The following C3orf52 variants were observed in gnomAD, a reference collection of about 807,000 sequenced individuals.
The protein encoded by C3orf52 is chromosome 3 open reading frame 52.
C3orf52 carries 22 observed loss-of-function variants against 24.8 expected under a neutral mutation model. That is an observed-to-expected ratio of 0.89 (90% CI 0.63 to 1.27). The LOEUF is 1.27. C3orf52 is among the 50% of genes most tolerant of loss of function. The pLI is 0.00. For synonymous variants in C3orf52, 93 were observed against 100.2 expected, an observed-to-expected ratio of 0.93 and a Z score of 0.43; for missense variants, 265 against 260.7, an observed-to-expected ratio of 1.02 and a Z score of -0.11.
chr3:112,095,698 CT>C (rs1160185573), intron 2 of C3orf52, among the ~76,000 whole-genome samples: 12 of 150,360 alleles, frequency 8.0e-5, no homozygotes, highest in African/African-American at 2.5e-4. Context: ...TTTCAAACTA[CT>C]TTTTAAATCA....
At chr3:112,128,147 G>A (rs1433529136) in intron 4 of C3orf52, 1 of 1,293,768 alleles carries the variant, frequency 7.7e-7, no homozygotes, top group South Asian at 1.2e-5. Context: ...CCATTTCTGT[G>A]GAAAACTTTT....
At chr3:112,092,482 C>T (rs1157114007) in intron 1 of C3orf52, among the ~76,000 whole-genome samples, 1 of 152,142 alleles carries the variant, frequency 6.6e-6, no homozygotes, top group African/African-American at 2.4e-5. Flanking sequence ...CTGTGACACC[C>T]TCATAAACCG....
At position 112,095,784 on chromosome 3, in the gene C3orf52, G is replaced by T. The variant is rs755762820; in HGVS notation, c.268+2295G>T. Among the ~76,000 whole-genome samples the T allele has an allele frequency of 2.7e-5, 4 of 148,270 alleles. No individual in the cohort carries two copies. In the South Asian group the frequency reaches 8.6e-4, roughly 32 times the overall value. ...CTGTGGGGAGAGTCATGTTAGACGT[G>T]GGGGTGGGGGGAGATACAGTAGGTT... On this transcript the variant is annotated intron_variant, in intron 2 of 5. Coordinates refer to ENST00000264848, the MANE Select transcript of C3orf52 (RefSeq NM_024616.3).
chr3:112,134,327 A>G (rs565163001), downstream of C3orf52: 5 of 152,344 alleles, frequency 3.3e-5, no homozygotes, highest in East Asian at 9.6e-4. Flanking sequence ...CTGACTCTCC[A>G]TTGAGTGGGT....
intron 4 of C3orf52, chr3:112,126,986 CT>C: frequency 1.9e-6 from 3 of 1,577,440 alleles, no homozygotes; most frequent in Non-Finnish European, 2.6e-6. Flanking sequence ...CAATGACTTA[CT>C]TTCGTTTTGG....
exon 5 of C3orf52, chr3:112,128,359 G>GT (rs1331057543): frequency 1.8e-4 from 97 of 540,546 alleles, no homozygotes; most frequent in Non-Finnish European, 2.0e-5. Context: ...TGAAGAACAC[G>GT]TAAGTGTTAT....
intron 4 of C3orf52, chr3:112,123,615 G>T (rs1187251170): frequency 6.2e-7 from 1 of 1,614,046 alleles, no homozygotes; most frequent in Non-Finnish European, 8.5e-7. Flanking sequence ...TGAATACTCA[G>T]TCTCAGTTCC....
rs549966334 is a variant in C3orf52, at chr3:112,106,198, C to T, written c.396+3233C>T. Among the ~76,000 whole-genome samples, 13 of 152,272 alleles carry T rather than the reference C, an allele frequency of 8.5e-5. No individual in the cohort carries two copies. In the South Asian group the frequency reaches 1.5e-3, roughly 17 times the overall value. ...CATGGTGGATTATTAGCTTGCTTTC[C>T]AGCCTCTCTCCCCTCTGGAGGATGG... On this transcript the variant is annotated intron_variant, in intron 3 of 5. Transcript: ENST00000264848.
chr3:112,113,099 T>C lies in C3orf52; in HGVS notation c.603T>C (p.Pro201=). 6.2e-7 allele frequency: 1 copy of C among 1,611,534 alleles called. No individual in the cohort carries two copies. Among genetic ancestry groups the C allele is most frequent in the Non-Finnish European group, 8.5e-7 (1 of 1,178,894 alleles). The part of the protein sequence containing the change: ...LLQDFRDQNI[P]GCESLGLDPT... ...AGGATTTCCGTGATCAGAATATACC[T>C]GGTTGTGAGAGTCTGGGGCTTGATC... Residue 201 remains proline (P), a synonymous_variant, in exon 5 of 6, where the codon CCT becomes CCC. Transcript: ENST00000264848.
At chr3:112,119,810 A>T (rs1338760995), downstream of C3orf52, among the ~76,000 whole-genome samples, 2 of 152,228 alleles carry the variant, frequency 1.3e-5, no homozygotes, top group East Asian at 3.8e-4. Context: ...GAGATTACAG[A>T]CTCAGCTTCA....
downstream of C3orf52, chr3:112,119,354 GAC>G (rs1576153312): frequency 1.5e-6 from 1 of 655,082 alleles, no homozygotes; most frequent in Non-Finnish European, 2.8e-6. Flanking sequence ...CAGCCTGGGT[GAC>G]AAGAGTGAAA....
chr3:112,116,658 CT>C lies in C3orf52; in HGVS notation c.*13del, dbSNP rs750171500. Reference sequence around the variant, plus strand: ...TCTTTTTAGAATGAAGTGATGGAGGCTGGTCTCTGTCTGAAAGCAGTGCTCT... The same window carrying C: ...TCTTTTTAGAATGAAGTGATGGAGGCGGTCTCTGTCTGAAAGCAGTGCTCT... On this transcript the variant is annotated 3_prime_UTR_variant, in exon 6 of 6. Coordinates refer to ENST00000264848, the MANE Select transcript of C3orf52 (RefSeq NM_024616.3). The C allele has an allele frequency of 3.1e-4, 486 of 1,591,600 alleles. No homozygotes were observed. The highest frequency in any genetic ancestry group is 3.8e-4 in the Non-Finnish European group (444 of 1,167,022).
At chr3:112,130,437 G>GCT, downstream of C3orf52, 1 of 1,612,592 alleles carries the variant, frequency 6.2e-7, no homozygotes, top group South Asian at 1.1e-5. Context: ...GGTTGATTTT[G>GCT]CTCTCACCTG....
chr3:112,101,086 G>A (rs2073968309), intron 2 of C3orf52, among the ~76,000 whole-genome samples: 1 of 152,000 alleles, frequency 6.6e-6, no homozygotes, highest in South Asian at 2.1e-4. Context: ...ACAACATAAT[G>A]TCATGACTTA....
chr3:112,090,165 A>G (rs1035299563), intron 1 of C3orf52, among the ~76,000 whole-genome samples: 1 of 152,118 alleles, frequency 6.6e-6, no homozygotes, highest in Non-Finnish European at 1.5e-5. Context: ...CTCAGGGCAC[A>G]TTGGAATCTC....
rs1193885311 is a variant in C3orf52 at position 112,117,537 on chromosome 3, T to C, written c.*891T>C. ...TTTATAAACTTCCATTAGAGAATCATTAAGGCTGTTTAATATCTGCTCTGG... is the reference window on the plus strand; with the variant it reads ...TTTATAAACTTCCATTAGAGAATCACTAAGGCTGTTTAATATCTGCTCTGG... On this transcript the variant is annotated 3_prime_UTR_variant, in exon 6 of 6. Coordinates refer to ENST00000264848, the MANE Select transcript of C3orf52 (RefSeq NM_024616.3). 6.6e-6 allele frequency: 1 copy of C among 152,470 alleles called. No homozygotes were observed. Among genetic ancestry groups the C allele is most frequent in the Non-Finnish European group, 1.5e-5 (1 of 68,226 alleles). The allele number at this position is 152,470 out of a possible 1,614,324, so 9.4% of individuals were successfully genotyped here. A position where few individuals can be genotyped will look rare whatever the true frequency, so the allele number is the denominator to read the frequency against.
At chr3:112,103,556 G>A (rs887460218) in intron 3 of C3orf52, among the ~76,000 whole-genome samples, 2 of 152,086 alleles carry the variant, frequency 1.3e-5, no homozygotes, top group African/African-American at 2.4e-5. Flanking sequence ...CAAGTGCCAG[G>A]GCCACATTGT....
chr3:112,115,190 A>G (rs574973680), intron 5 of C3orf52, among the ~76,000 whole-genome samples: 2 of 152,282 alleles, frequency 1.3e-5, no homozygotes, highest in East Asian at 3.9e-4. Context: ...GAGCCATTTT[A>G]TGTTTTCAGA....
chr3:112,129,578 C>G (rs1212386435), downstream of C3orf52: 2 of 152,228 alleles, frequency 1.3e-5, no homozygotes, highest in East Asian at 3.9e-4. Context: ...TCTGGTCTAC[C>G]CAACCTCTCC....
Sources: allele counts gnomAD v4.1 joint callset (sites outside exome capture counted in the v4.1 genomes callset), GRCh38; gene constraint gnomAD v4.1.1; transcripts MANE v1.5; gene names NCBI Gene and HGNC (gene_info 2026-07-23, HGNC 2026-07-21).